Variants in CSGALNACT1 observed in about 807,000 individuals in gnomAD.
The protein encoded by CSGALNACT1 is chondroitin sulfate N-acetylgalactosaminyltransferase 1, also known as beta4GalNAcT-1.
Under a neutral mutation model 51.0 loss-of-function variants are expected in CSGALNACT1, and 52 were observed. The ratio of observed to expected loss-of-function variants is 1.02; its 90% CI spans 0.82 to 1.29. The LOEUF is 1.29. CSGALNACT1 is among the 50% of genes most tolerant of loss of function. The pLI, the probability that CSGALNACT1 is intolerant of heterozygous loss-of-function variation, is 0.00. For missense variants in CSGALNACT1, 935 were observed against 679.2 expected, an observed-to-expected ratio of 1.38 and a Z score of -4.19; for synonymous variants, 341 against 254.4, an observed-to-expected ratio of 1.34 and a Z score of -3.24.
At chr8:19,676,529 G>C (rs2060204356) in intron 1 of CSGALNACT1, among the ~76,000 whole-genome samples, 2 of 152,216 alleles carry the variant, frequency 1.3e-5, no homozygotes, top group South Asian at 4.1e-4. Context: ...GAAGAACAAA[G>C]AATAAAGACT....
At chr8:19,423,054 G>A (rs80280470) in intron 6 of CSGALNACT1, among the ~76,000 whole-genome samples, 2,044 of 152,220 alleles carry the variant, frequency 0.013, 38 homozygotes, top group African/African-American at 0.047. Context: ...TCCTCACTCA[G>A]GTTGCACCTG....
chr8:19,544,683 T>G lies in CSGALNACT1; in HGVS notation c.-296-38553A>C, dbSNP rs553973990. Reference sequence around the variant, plus strand: ...AATGTGGAACAGGGCCCCATACCTATGCTGAGCTTAGCTATGCTAAATTCC... The same window carrying G: ...AATGTGGAACAGGGCCCCATACCTAGGCTGAGCTTAGCTATGCTAAATTCC... On this transcript the variant is annotated intron_variant, in intron 3 of 9. Transcript: ENST00000454498. Among the ~76,000 whole-genome samples the G allele has an allele frequency of 8.0e-4, 122 of 152,338 alleles. 1 individual carries two copies. Among genetic ancestry groups the G allele is most frequent in the African/African-American group, 2.8e-3 (117 of 41,590 alleles).
intron 1 of CSGALNACT1, among the ~76,000 whole-genome samples, chr8:19,688,010 T>A (rs946359090): frequency 1.3e-5 from 2 of 152,160 alleles, no homozygotes; most frequent in African/African-American, 2.4e-5. Context: ...CAATTTACCG[T>A]TTAGAATCTA....
intron 1 of CSGALNACT1, among the ~76,000 whole-genome samples, chr8:19,742,105 T>C (rs2064353084): frequency 1.3e-5 from 2 of 152,342 alleles, no homozygotes; most frequent in South Asian, 4.1e-4. Context: ...AAAATATAAA[T>C]GTTATAATGC....
chr8:19,613,300 T>C (rs755267002), intron 1 of CSGALNACT1, among the ~76,000 whole-genome samples: 1 of 152,242 alleles, frequency 6.6e-6, no homozygotes, highest in Non-Finnish European at 1.5e-5. Flanking sequence ...TTTGTTTTTA[T>C]TGAGTTATTT....
chr8:19,409,486 C>CATATATAT (rs3839879), intron 8 of CSGALNACT1, among the ~76,000 whole-genome samples: 1 of 147,742 alleles, frequency 6.8e-6, no homozygotes, highest in African/African-American at 2.5e-5. Context: ...TGCATGTGTA[C>CATATATAT]ATATATATAT....
chr8:19,624,035 T>A (rs529393849), intron 1 of CSGALNACT1, among the ~76,000 whole-genome samples: 2 of 152,250 alleles, frequency 1.3e-5, no homozygotes, highest in African/African-American at 4.8e-5. Context: ...TATTTTATAA[T>A]GAGCAGTGGC....
At chr8:19,599,975 T>C (rs2050045077) in intron 2 of CSGALNACT1, among the ~76,000 whole-genome samples, 1 of 152,212 alleles carries the variant, frequency 6.6e-6, no homozygotes. Context: ...TTAGTAGCAT[T>C]AGGCCATAAG....
intron 3 of CSGALNACT1, among the ~76,000 whole-genome samples, chr8:19,571,305 T>G (rs2042972197): frequency 6.6e-6 from 1 of 152,072 alleles, no homozygotes; most frequent in South Asian, 2.1e-4. Flanking sequence ...CTGACAAACC[T>G]GCTATCCTAC....
chr8:19,595,905 C>T (rs1400573108), intron 2 of CSGALNACT1, among the ~76,000 whole-genome samples: 2 of 147,608 alleles, frequency 1.4e-5, no homozygotes, highest in Non-Finnish European at 3.0e-5. Context: ...ACTCTGTCAC[C>T]CAGGCTATAG....
At chr8:19,429,796 C>G (rs761988276) in intron 6 of CSGALNACT1, among the ~76,000 whole-genome samples, 7 of 152,350 alleles carry the variant, frequency 4.6e-5, no homozygotes, top group Non-Finnish European at 8.8e-5. Flanking sequence ...ATGTAAGGAA[C>G]TGCCACACTG....
Position 19,542,200 on chromosome 8 carries a change from A to AACACACACACACACACACACACACAC in CSGALNACT1, c.-296-36096_-296-36071dup, listed in dbSNP as rs55968136. 9.0e-5 allele frequency among the ~76,000 whole-genome samples: 13 copies of AACACACACACACACACACACACACAC among 144,040 alleles called. No individual in the cohort carries two copies. The South Asian group carries it at 1.6e-3, about 18-fold the overall frequency. The allele number at this position is 144,040 out of a possible 152,430, so 94.5% of individuals were successfully genotyped here. On this transcript the variant is annotated intron_variant, in intron 3 of 9. Transcript: ENST00000454498. Reference sequence around the variant, plus strand: ...AAGAAAGAAGAGAGACAGCACAAGAAACACACACACACACACACACACACA... The same window carrying AACACACACACACACACACACACACAC: ...AAGAAAGAAGAGAGACAGCACAAGAAACACACACACACACACACACACACACACACACACACACACACACACACACA...
At chr8:19,608,380 G>A (rs1284657555) in intron 1 of CSGALNACT1, among the ~76,000 whole-genome samples, 1 of 152,218 alleles carries the variant, frequency 6.6e-6, no homozygotes, top group Non-Finnish European at 1.5e-5. Context: ...ACCAAGTTCA[G>A]TCCCGGTTCT....
At chr8:19,691,058 C>T (rs2061286852) in intron 1 of CSGALNACT1, among the ~76,000 whole-genome samples, 1 of 152,138 alleles carries the variant, frequency 6.6e-6, no homozygotes, top group Non-Finnish European at 1.5e-5. Context: ...CACCACTGCA[C>T]TCAAGCTTGG....
At chr8:19,693,357 C>A (rs1462923916) in intron 1 of CSGALNACT1, among the ~76,000 whole-genome samples, 1 of 152,082 alleles carries the variant, frequency 6.6e-6, no homozygotes, top group East Asian at 1.9e-4. Flanking sequence ...ACCTGTGGTA[C>A]CACCATCCTC....
chr8:19,464,659 A>C (rs1168676350), intron 4 of CSGALNACT1, among the ~76,000 whole-genome samples: 3 of 152,128 alleles, frequency 2.0e-5, no homozygotes, highest in African/African-American at 4.8e-5. Flanking sequence ...TCAGAATTAC[A>C]TTCTTAACAC....
At chr8:19,563,038 C>T (rs1289824310) in intron 3 of CSGALNACT1, among the ~76,000 whole-genome samples, 1 of 152,120 alleles carries the variant, frequency 6.6e-6, no homozygotes, top group Admixed American at 6.5e-5. Context: ...AAATGCCCAT[C>T]AATGATAGAC....
At chr8:19,657,529 A>T (rs1266752287) in intron 1 of CSGALNACT1, among the ~76,000 whole-genome samples, 1 of 152,242 alleles carries the variant, frequency 6.6e-6, no homozygotes, top group African/African-American at 2.4e-5. Context: ...CACAAATAGA[A>T]TGAAAAGATG....
intron 1 of CSGALNACT1, among the ~76,000 whole-genome samples, chr8:19,627,420 G>A (rs140593458): frequency 1.3e-5 from 2 of 152,262 alleles, no homozygotes; most frequent in East Asian, 3.9e-4. Context: ...GCACAAGGAA[G>A]TTAGTTCCTG....
Sources: gnomAD v4.1 joint callset for allele counts (sites outside exome capture counted in the v4.1 genomes callset) on GRCh38, gnomAD v4.1.1 for gene constraint, MANE v1.5 for transcripts, NCBI Gene and HGNC (gene_info 2026-07-23, HGNC 2026-07-21) for gene names.